The following POM121 variants were observed in gnomAD, a reference collection of about 807,000 sequenced individuals.
POM121 encodes the protein nuclear envelope pore membrane protein POM 121.
A neutral mutation model predicts 81.3 loss-of-function variants in POM121; 32 were observed. The ratio of observed to expected loss-of-function variants is 0.39; its 90% CI spans 0.30 to 0.53. POM121 has a LOEUF of 0.53. Among genes scored for constraint, POM121 ranks in the 20% least tolerant of loss-of-function variants. The probability of loss-of-function intolerance (pLI) is 0.66; values close to 1 mark genes in which losing one functional copy is unlikely to be tolerated. For synonymous variants in POM121, 514 were observed against 694.2 expected, an observed-to-expected ratio of 0.74 and a Z score of 4.08; for missense variants, 1,138 against 1,614.6, an observed-to-expected ratio of 0.70 and a Z score of 5.06.
intron 4 of POM121, among the ~76,000 whole-genome samples, chr7:72,914,545 G>C (rs1353572483): frequency 6.6e-6 from 1 of 150,834 alleles, no homozygotes; most frequent in Non-Finnish European, 1.5e-5. Flanking sequence ...TGTAGAGATA[G>C]GGTCTCGCTG....
upstream of POM121, among the ~76,000 whole-genome samples, chr7:72,922,201 T>G (rs1554496092): frequency 6.6e-6 from 1 of 152,254 alleles, no homozygotes; most frequent in Non-Finnish European, 1.5e-5. Context: ...TATTTGTGTT[T>G]CCCATTCAAT....
chr7:72,882,666 T>TG (rs1554489470), intron 1 of POM121, among the ~76,000 whole-genome samples: 1 of 152,098 alleles, frequency 6.6e-6, no homozygotes, highest in African/African-American at 2.4e-5. Flanking sequence ...TCCTAGATCA[T>TG]GGGGGGAATG....
At chr7:72,891,050 T>C (rs1194810779) in exon 3 of POM121, 30 of 922,406 alleles carry the variant, frequency 3.3e-5, no homozygotes, top group Non-Finnish European at 4.5e-5. Flanking sequence ...CATCATTAAG[T>C]TGGAGCAGGG....
At chr7:72,883,464 CT>C (rs1554489601) in intron 1 of POM121, among the ~76,000 whole-genome samples, 1 of 152,094 alleles carries the variant, frequency 6.6e-6, no homozygotes, top group Admixed American at 6.6e-5. Context: ...AATAAGGAAT[CT>C]TTTTAAAAGG....
chr7:72,886,648 T>G (rs1790749201), intron 1 of POM121, among the ~76,000 whole-genome samples: 1 of 152,182 alleles, frequency 6.6e-6, no homozygotes, highest in East Asian at 1.9e-4. Context: ...TGTCTGCAAA[T>G]GTCTTCATTG....
At chr7:72,888,030 T>C (rs1278972872) in intron 1 of POM121, among the ~76,000 whole-genome samples, 1 of 152,168 alleles carries the variant, frequency 6.6e-6, no homozygotes, top group Non-Finnish European at 1.5e-5. Context: ...TTCTAATATA[T>C]ATATTTTTTT....
chr7:72,926,115 A>T, intron 1 of POM121, 147 bp from the exon 2 acceptor site: 2 of 860,530 alleles, frequency 2.3e-6, no homozygotes, highest in South Asian at 3.5e-5. Flanking sequence ...AATAAGGGAA[A>T]GTTGCCATAA....
At chr7:72,900,367 C>CT (rs56065902) in intron 3 of POM121, among the ~76,000 whole-genome samples, 44,577 of 143,074 alleles carry the variant, frequency 0.31, 8,366 homozygotes, top group East Asian at 0.47. Flanking sequence ...TCTCTTTTTG[C>CT]TTTTTTTTTT....
At chr7:72,948,649 C>T (rs1159874786), downstream of POM121, 8 of 1,603,586 alleles carry the variant, frequency 5.0e-6, no homozygotes, top group Admixed American at 5.0e-5. Flanking sequence ...GCCTCCCAAG[C>T]ATGCCCCCAC....
chr7:72,918,396 T>G (rs1563149031), intron 4 of POM121, among the ~76,000 whole-genome samples: 1 of 152,176 alleles, frequency 6.6e-6, no homozygotes, highest in Non-Finnish European at 1.5e-5. Flanking sequence ...TGGCCGTGTC[T>G]GGGCATAACA....
In POM121 at chr7:72,938,663, G is replaced by A. The variant is rs1554500021; in HGVS notation, c.1349G>A (p.Arg450Lys). The change falls in exon 6 of 13, where the codon AGG (arginine) becomes AAG (lysine). Residue 450 changes from arginine (R) to lysine (K), a missense_variant. Around this residue, in one of 7 missense-constraint regions of POM121, gnomAD observed 646 missense variants for 633.5 expected, o/e 1.02. Coordinates refer to ENST00000434423, the MANE Select transcript of POM121 (RefSeq NM_001387691.1). ...PASSRSQTPE[R>K]PAKKIREEEL... ...TCCTCCCGCTCCCAGACACCGGAGA[G>A]GCCAGCAAAGAAAATAAGGTACTTG... 6.2e-7 allele frequency: 1 copy of A among 1,613,796 alleles called. No individual in the cohort carries two copies.
At chr7:72,914,916 C>T (rs576564083) in intron 4 of POM121, among the ~76,000 whole-genome samples, 1 of 152,254 alleles carries the variant, frequency 6.6e-6, no homozygotes, top group South Asian at 2.1e-4. Context: ...TCCTCTCCCT[C>T]CCCACCCTGA....
Position 72,948,271 on chromosome 7 carries a change from T to C in POM121, c.*2037T>C. The C allele has an allele frequency of 6.7e-7, 1 of 1,491,392 alleles. No homozygotes were observed. The highest frequency in any genetic ancestry group is 1.4e-5 in the South Asian group (1 of 73,450). The allele number at this position is 1,491,392 out of a possible 1,614,324, so 92.4% of individuals were successfully genotyped here. A position where few individuals can be genotyped will look rare whatever the true frequency, so the allele number is the denominator to read the frequency against. On this transcript the variant is annotated 3_prime_UTR_variant, in exon 13 of 13. Transcript: ENST00000434423. ...TGAGATTTTTCTCCTGCTTGTGACA[T>C]TAAGAATAAAAAACTGTGATCTATC...
intron 3 of POM121, among the ~76,000 whole-genome samples, chr7:72,909,348 C>A (rs1212954940): frequency 6.6e-6 from 1 of 152,170 alleles, no homozygotes; most frequent in African/African-American, 2.4e-5. Flanking sequence ...GATTGTCTTT[C>A]CTCATTCAGA....
Position 72,942,768 on chromosome 7 carries a change from CGCCACCTCCGCCCCG to C in POM121, c.2782_2796del (p.Ala929_Ser933del). On this transcript the variant is annotated inframe_deletion, in exon 11 of 13. Coordinates refer to ENST00000434423, the MANE Select transcript of POM121 (RefSeq NM_001387691.1). ...ACTTTAGTGGTTTTGGCAGCACCCT[CGCCACCTCCGCCCCG>C]GCCACCAGCAGCCAGCCCACTCTGA... The C allele has an allele frequency of 7.3e-7, 1 of 1,370,398 alleles. No individual in the cohort carries two copies. The highest frequency in any genetic ancestry group is 9.8e-7 in the Non-Finnish European group (1 of 1,023,914). The allele number at this position is 1,370,398 out of a possible 1,614,324, so 84.9% of individuals were successfully genotyped here. A position where few individuals can be genotyped will look rare whatever the true frequency, so the allele number is the denominator to read the frequency against.
intron 3 of POM121, among the ~76,000 whole-genome samples, chr7:72,894,616 G>A (rs1314227662): frequency 8.1e-6 from 1 of 123,840 alleles, no homozygotes; most frequent in Admixed American, 8.8e-5. Context: ...AGAGAGAGAT[G>A]AGAGAGAGAG....
chr7:72,887,752 G>A (rs1446209722), intron 1 of POM121, among the ~76,000 whole-genome samples: 1 of 152,104 alleles, frequency 6.6e-6, no homozygotes, highest in Non-Finnish European at 1.5e-5. Context: ...GCTGGATCCC[G>A]GGAGACAGAG....
chr7:72,879,905 GC>G (rs1249413285), intron 1 of POM121: 1 of 510,208 alleles, frequency 2.0e-6, no homozygotes, highest in African/African-American at 1.9e-5. Flanking sequence ...GGGTTTTCGG[GC>G]CCGGAGCGAG....
intron 3 of POM121, among the ~76,000 whole-genome samples, chr7:72,912,891 T>A (rs1160616280): frequency 1.3e-5 from 2 of 152,114 alleles, no homozygotes; most frequent in Non-Finnish European, 2.9e-5. Context: ...AGTGTCCGCG[T>A]CATCAGTGGT....
Sources: gnomAD v4.1 joint callset for allele counts (sites outside exome capture counted in the v4.1 genomes callset) on GRCh38, gnomAD v4.1.1 for gene constraint, gnomAD v4.1.1 regional missense constraint, MANE v1.5 for transcripts, NCBI Gene and HGNC (gene_info 2026-07-23, HGNC 2026-07-21) for gene names.